The following HIKESHI variants were observed in gnomAD, a reference collection of about 807,000 sequenced individuals.
The protein encoded by HIKESHI is protein Hikeshi.
HIKESHI carries 13 observed loss-of-function variants against 25.7 expected under a neutral mutation model. The observed-to-expected ratio is 0.51, with a 90% CI of 0.33 to 0.80. The LOEUF (loss-of-function observed/expected upper bound fraction) is 0.80. Ranked by LOEUF, HIKESHI falls within the 30% of genes least tolerant of loss-of-function variation. HIKESHI has a pLI of 0.02. For missense variants in HIKESHI, 174 were observed against 229.5 expected (o/e 0.76, Z 1.56); for synonymous variants, 76 against 78.7 (o/e 0.97, Z 0.18).
intron 2 of HIKESHI, among the ~76,000 whole-genome samples, chr11:86,336,246 C>A (rs1396404710): frequency 1.3e-5 from 2 of 152,246 alleles, no homozygotes; most frequent in East Asian, 3.9e-4. Context: ...CCAACATGCA[C>A]AGCAGACACA....
intron 3 of HIKESHI, among the ~76,000 whole-genome samples, chr11:86,339,132 G>A (rs750991683): frequency 6.6e-6 from 1 of 152,020 alleles, no homozygotes; most frequent in Non-Finnish European, 1.5e-5. Context: ...TGCAAGCTCC[G>A]CCTCCTGGGT....
intron 3 of HIKESHI, among the ~76,000 whole-genome samples, chr11:86,338,005 C>T (rs1593869514): frequency 6.6e-6 from 1 of 152,266 alleles, no homozygotes. Context: ...TATCAGTCAC[C>T]TCACACAGTC....
chr11:86,314,931 AAT>A (rs1946934554), intron 2 of HIKESHI, among the ~76,000 whole-genome samples: 1 of 152,206 alleles, frequency 6.6e-6, no homozygotes, highest in Admixed American at 6.5e-5. Context: ...CTGTACTGTA[AAT>A]AAGTTCCCAA....
At chr11:86,310,316 C>A (rs1946800179) in intron 2 of HIKESHI, among the ~76,000 whole-genome samples, 1 of 151,366 alleles carries the variant, frequency 6.6e-6, no homozygotes, top group African/African-American at 2.4e-5. Flanking sequence ...GTATTTTATT[C>A]TCTTTGAAGC....
At position 86,302,491 on chromosome 11, in the gene HIKESHI, C is replaced by T. The variant is rs1303183242; in HGVS notation, c.30+13C>T. The T allele has an allele frequency of 1.3e-6, 2 of 1,557,286 alleles. No homozygotes were observed. The highest frequency in any genetic ancestry group is 2.4e-5 in the East Asian group (1 of 41,390). On this transcript the variant is annotated intron_variant, in intron 1 of 4. Transcript: ENST00000278483. ...GGCGGGGAGGCTGGTGAGGATGGGA[C>T]CGGGTGATATCAGGAAGGGGTCAGG...
chr11:86,345,914 AACCTAT>A lies in HIKESHI; in HGVS notation c.*280_*285del, dbSNP rs1318642792. The A allele has an allele frequency of 4.5e-6, 1 of 220,906 alleles. No homozygotes were observed. Among genetic ancestry groups the A allele is most frequent in the Admixed American group, 5.6e-5 (1 of 18,016 alleles). 13.7% of individuals were successfully genotyped at this position (220,906 alleles called of 1,614,324 possible). ...ATTCATTTTTTTTACTTAAAAATAA[AACCTAT>A]ACCAAACAGTAGTGTGCCAAGTACC... On this transcript the variant is annotated 3_prime_UTR_variant, in exon 5 of 5. Coordinates refer to ENST00000278483, the MANE Select transcript of HIKESHI (RefSeq NM_016401.4).
intron 2 of HIKESHI, among the ~76,000 whole-genome samples, chr11:86,325,727 C>G (rs1160348378): frequency 6.6e-6 from 1 of 151,764 alleles, no homozygotes; most frequent in African/African-American, 2.4e-5. Context: ...CAAAAATTAG[C>G]TGGGCGTGGT....
chr11:86,334,131 A>T (rs1367162339), intron 2 of HIKESHI, among the ~76,000 whole-genome samples: 2 of 152,230 alleles, frequency 1.3e-5, no homozygotes, highest in African/African-American at 4.8e-5. Flanking sequence ...AAACAAGGAA[A>T]ATGTGGAATG....
chr11:86,341,015 G>A (rs1254802150), intron 3 of HIKESHI, among the ~76,000 whole-genome samples: 2 of 152,118 alleles, frequency 1.3e-5, no homozygotes, highest in African/African-American at 2.4e-5. Flanking sequence ...CTGCTCCTTA[G>A]AAGCTATGAT....
intron 2 of HIKESHI, among the ~76,000 whole-genome samples, chr11:86,314,793 T>A (rs923683539): frequency 6.6e-6 from 1 of 152,214 alleles, no homozygotes; most frequent in Non-Finnish European, 1.5e-5. Context: ...CCTACGGCTA[T>A]GGTTCTTAAA....
At chr11:86,306,563 C>T (rs1356996492) in intron 2 of HIKESHI, 81 bp downstream of exon 2, 1 of 786,852 alleles carries the variant, frequency 1.3e-6, no homozygotes, top group African/African-American at 1.8e-5. Flanking sequence ...TGACTTTTCC[C>T]CCTTTAGATT....
chr11:86,314,943 A>G (rs115014387), intron 2 of HIKESHI, among the ~76,000 whole-genome samples: 3 of 152,184 alleles, frequency 2.0e-5, no homozygotes, highest in Admixed American at 6.5e-5. Context: ...TAAGTTCCCA[A>G]ATGTTTGTGT....
At chr11:86,303,758 A>C (rs1946554051) in intron 1 of HIKESHI, among the ~76,000 whole-genome samples, 1 of 152,086 alleles carries the variant, frequency 6.6e-6, no homozygotes, top group African/African-American at 2.4e-5. Context: ...TAACTACACG[A>C]CTCTGTTATA....
intron 2 of HIKESHI, among the ~76,000 whole-genome samples, chr11:86,317,315 T>A: frequency 6.6e-6 from 1 of 150,944 alleles, no homozygotes; most frequent in Non-Finnish European, 1.5e-5. Flanking sequence ...AGAGCAAGAC[T>A]CTGTCTCAAA....
chr11:86,320,848 A>T (rs1565730245), intron 2 of HIKESHI, among the ~76,000 whole-genome samples: 1 of 152,172 alleles, frequency 6.6e-6, no homozygotes, highest in Non-Finnish European at 1.5e-5. Flanking sequence ...TACAGTATGC[A>T]TTCTTTTTTT....
chr11:86,311,630 TA>T (rs1326496815), intron 2 of HIKESHI, among the ~76,000 whole-genome samples: 6 of 152,362 alleles, frequency 3.9e-5, no homozygotes, highest in Admixed American at 6.5e-5. Context: ...CTTGCTTCTC[TA>T]GTTCTTTTAA....
At chr11:86,303,390 C>A (rs1946543953) in intron 1 of HIKESHI, 3 of 982,874 alleles carry the variant, frequency 3.1e-6, no homozygotes, top group Non-Finnish European at 3.6e-6. Flanking sequence ...TTGGAGATGA[C>A]TAGCCTCATA....
At chr11:86,335,062 C>G (rs2138398088) in intron 2 of HIKESHI, among the ~76,000 whole-genome samples, 2 of 152,326 alleles carry the variant, frequency 1.3e-5, no homozygotes, top group East Asian at 3.9e-4. Context: ...CATTTGGCTA[C>G]CCTTGTCCCA....
In HIKESHI at chr11:86,306,270, C is replaced by A; in HGVS notation, c.56C>A (p.Ala19Glu). 4 of 1,613,332 alleles carry A rather than the reference C, an allele frequency of 2.5e-6. No homozygotes were observed. Among genetic ancestry groups the A allele is most frequent in the Non-Finnish European group, 3.4e-6 (4 of 1,179,404 alleles). The change falls in exon 2 of 5, where the codon GCA (alanine) becomes GAA (glutamate). Residue 19 changes from alanine (A) to glutamate (E), a missense_variant. Physicochemically the swap from Ala to Glu is moderately radical, Grantham distance 107 (BLOSUM62 -1). Transcript: ENST00000278483. ...GTGCAAACAGCTGCACAGCAAGTGG[C>A]AGAGGATAAATTTGTTTTTGACTTA... The part of the protein sequence containing the change: ...RLVQTAAQQV[A>E]EDKFVFDLPD...
Sources: allele counts gnomAD v4.1 joint callset (sites outside exome capture counted in the v4.1 genomes callset), GRCh38; gene constraint gnomAD v4.1.1; transcripts MANE v1.5; gene names NCBI Gene and HGNC (gene_info 2026-07-23, HGNC 2026-07-21).